The following GABRA6 variants were observed in gnomAD, a reference collection of about 807,000 sequenced individuals.
GABRA6 encodes gamma-aminobutyric acid type A receptor subunit alpha6.
GABRA6 carries 45 observed loss-of-function variants against 47.3 expected under a neutral mutation model. The ratio of observed to expected loss-of-function variants is 0.95; its 90% CI spans 0.75 to 1.22. The LOEUF (loss-of-function observed/expected upper bound fraction) is 1.22, where lower values mean the gene tolerates loss of function less well. Ranked by LOEUF, GABRA6 falls within the 50% of genes most tolerant of loss-of-function variation. GABRA6 has a pLI of 0.00. For synonymous variants in GABRA6, 219 were observed against 194.7 expected (o/e 1.12, Z -1.04); for missense variants, 583 against 549.3 (o/e 1.06, Z -0.61).
In GABRA6 at chr5:161,701,860, A is replaced by G; in HGVS notation, c.*87A>G. ...AAAAATAGCATTGAGACTTGTGTAG[A>G]TGCTTCTCAGAACATGAAATCAAAT... On this transcript the variant is annotated 3_prime_UTR_variant, in exon 9 of 9. Transcript: ENST00000274545. 7.3e-7 allele frequency: 1 copy of G among 1,374,564 alleles called. No individual in the cohort carries two copies. The highest frequency in any genetic ancestry group is 1.0e-6 in the Non-Finnish European group (1 of 969,144). The allele number at this position is 1,374,564 out of a possible 1,614,324, so 85.1% of individuals were successfully genotyped here.
Position 161,689,287 on chromosome 5 carries a change from G to A in GABRA6, c.480G>A (p.Leu160=). ...LTINADCPMR[L]VNFPMDGHAC... ...TCAATGCTGACTGTCCCATGAGGCTGGTTAACTTTCCTATGGATGGGCATG... is the reference window on the plus strand; with the variant it reads ...TCAATGCTGACTGTCCCATGAGGCTAGTTAACTTTCCTATGGATGGGCATG... Residue 160 remains leucine (L), a synonymous_variant, in exon 5 of 9, where the codon CTG becomes CTA. Coordinates refer to ENST00000274545, the MANE Select transcript of GABRA6 (RefSeq NM_000811.3). 1 of 1,614,044 alleles carries A rather than the reference G, an allele frequency of 6.2e-7. No individual in the cohort carries two copies.
In GABRA6 at chr5:161,690,293, ATTCTTTCCCAGG is replaced by A. The variant is rs766889820; in HGVS notation, c.768_779del (p.Ile256_Val260delinsMet). 83 of 1,613,742 alleles carry A rather than the reference ATTCTTTCCCAGG, an allele frequency of 5.1e-5. No individual in the cohort carries two copies. The highest frequency in any genetic ancestry group is 6.8e-5 in the Non-Finnish European group (80 of 1,179,846). On this transcript the variant is annotated inframe_deletion, in exon 7 of 9. Coordinates refer to ENST00000274545, the MANE Select transcript of GABRA6 (RefSeq NM_000811.3). ...ATACACTCCTTGCATTATGACAGTC[ATTCTTTCCCAGG>A]TGTCTTTCTGGATTAATAAGGAGTC...
intron 8 of GABRA6, 111 bp downstream of exon 8, chr5:161,692,311 A>C (rs1754808721): frequency 3.0e-6 from 4 of 1,321,274 alleles, no homozygotes; most frequent in Non-Finnish European, 4.3e-6. Flanking sequence ...CAGGTTATAT[A>C]ACTGTAGTTT....
chr5:161,701,782 C>T lies in GABRA6; in HGVS notation c.*9C>T, dbSNP rs762025665. ...GTAGCAGTGTTGAATAGCTTGCGGC[C>T]AGGACAACCTGAATTCTATAAGTTC... On this transcript the variant is annotated 3_prime_UTR_variant, in exon 9 of 9. Transcript: ENST00000274545. The T allele has an allele frequency of 1.2e-6, 2 of 1,613,718 alleles. No homozygotes were observed. Among genetic ancestry groups the T allele is most frequent in the East Asian group, 4.5e-5 (2 of 44,880 alleles).
chr5:161,685,926 A>G lies in GABRA6; in HGVS notation c.-64A>G. 7.7e-7 allele frequency: 1 copy of G among 1,295,390 alleles called. No homozygotes were observed. Among genetic ancestry groups the G allele is most frequent in the Non-Finnish European group, 1.1e-6 (1 of 887,676 alleles). 80.2% of individuals were successfully genotyped at this position (1,295,390 alleles called of 1,614,324 possible). ...AGATTTCTCCAGTTGATTGGCAGAG[A>G]AGAGCTGGCTAGCAGGGAGGACGAC... is the stretch of plus-strand genomic sequence containing the variant. On this transcript the variant is annotated 5_prime_UTR_variant, in exon 1 of 9. Transcript: ENST00000274545.
At chr5:161,689,487 T>TG in intron 5 of GABRA6, 149 bp from the exon 6 acceptor site, 1 of 1,023,006 alleles carries the variant, frequency 9.8e-7, no homozygotes, top group Non-Finnish European at 1.5e-6. Context: ...GTCAATCTCA[T>TG]AAATTGAGGC....
chr5:161,686,838 C>G, intron 2 of GABRA6, 98 bp from the exon 3 acceptor site: 1 of 1,014,522 alleles, frequency 9.9e-7, no homozygotes, highest in East Asian at 2.4e-5. Flanking sequence ...ATTGCAGATA[C>G]TGGCTATGAT....
intron 7 of GABRA6, among the ~76,000 whole-genome samples, chr5:161,690,977 T>C (rs1361143447): frequency 5.3e-5 from 8 of 152,060 alleles, no homozygotes; most frequent in Non-Finnish European, 1.0e-4. Flanking sequence ...TTTTTTAAAT[T>C]TACTAAGTTA....
At chr5:161,688,135 A>G (rs997399383) in intron 3 of GABRA6, among the ~76,000 whole-genome samples, 1 of 152,132 alleles carries the variant, frequency 6.6e-6, no homozygotes, top group Admixed American at 6.5e-5. Flanking sequence ...CTATTATATC[A>G]TGAGTCATTA....
intron 7 of GABRA6, among the ~76,000 whole-genome samples, chr5:161,691,223 A>G (rs1754781262): frequency 6.6e-6 from 1 of 151,474 alleles, no homozygotes; most frequent in Non-Finnish European, 1.5e-5. Context: ...TTATTTATTA[A>G]CTATCATTTA....
chr5:161,685,997 C>G lies in GABRA6; in HGVS notation c.8C>G (p.Ser3Trp). Reference protein sequence around the residue: MASSLPWLCIILW... With the variant: MAWSLPWLCIILW... Reference sequence around the variant, plus strand: ...ATTTCAGTGCACTGCAGGATGGCGTCGTCTCTGCCCTGGCTGTGCATTATT... The same window carrying G: ...ATTTCAGTGCACTGCAGGATGGCGTGGTCTCTGCCCTGGCTGTGCATTATT... The change falls in exon 1 of 9, where the codon TCG becomes TGG. Residue 3 changes from serine (S) to tryptophan (W), a missense_variant. Ser to Trp is a radical substitution (Grantham distance 177, BLOSUM62 -3). Coordinates refer to ENST00000274545, the MANE Select transcript of GABRA6 (RefSeq NM_000811.3). 1.2e-6 allele frequency: 2 copies of G among 1,613,866 alleles called. No individual in the cohort carries two copies. The highest frequency in any genetic ancestry group is 4.5e-5 in the East Asian group (2 of 44,872).
Position 161,688,948 on chromosome 5 carries a change from G to A in GABRA6, c.226-1G>A, listed in dbSNP as rs1429761769. The A allele has an allele frequency of 6.2e-7, 1 of 1,610,744 alleles. No individual in the cohort carries two copies. Among genetic ancestry groups the A allele is most frequent in the African/African-American group, 1.3e-5 (1 of 74,818 alleles). ...CACACAAATATTTTATTTTCTCTTA[G>A]GAGTATACGATGGATGTTTTTTTCC... On this transcript the variant is annotated splice_acceptor_variant, in intron 3 of 8. Coordinates refer to ENST00000274545, the MANE Select transcript of GABRA6 (RefSeq NM_000811.3). LOFTEE classifies it high-confidence loss of function.
intron 3 of GABRA6, among the ~76,000 whole-genome samples, chr5:161,688,209 G>A (rs58175071): frequency 0.03 from 4,553 of 152,028 alleles, 225 homozygotes; most frequent in African/African-American, 0.097. Flanking sequence ...GCCATAATAC[G>A]TTTCATAAAG....
chr5:161,687,115 A>G (rs1754716483), intron 3 of GABRA6, 112 bp downstream of exon 3: 1 of 850,796 alleles, frequency 1.2e-6, no homozygotes, highest in Non-Finnish European at 2.0e-6. Flanking sequence ...TCATGACACA[A>G]TATTTGTATT....
At chr5:161,688,907 AAC>A in intron 3 of GABRA6, 40 bp from the exon 4 acceptor site, 1 of 1,549,276 alleles carries the variant, frequency 6.5e-7, no homozygotes, top group Non-Finnish European at 8.9e-7. Context: ...ATTCTTAGCA[AAC>A]TATCTTTCCA....
chr5:161,690,487 T>C (rs753323437), intron 7 of GABRA6, 134 bp downstream of exon 7: 184 of 929,014 alleles, frequency 2.0e-4, no homozygotes, highest in Non-Finnish European at 2.9e-4. Flanking sequence ...TCCAGACATA[T>C]GTATCATGCA....
chr5:161,694,460 G>C (rs766468677), intron 8 of GABRA6, among the ~76,000 whole-genome samples: 8 of 151,874 alleles, frequency 5.3e-5, no homozygotes, highest in Non-Finnish European at 1.0e-4. Flanking sequence ...CAAATCCTTG[G>C]AGAAAACGTA....
rs113567255 is a variant in GABRA6, at chr5:161,686,494, C to G, written c.157+146C>G. On this transcript the variant is annotated intron_variant, in intron 2 of 8. Transcript: ENST00000274545. ...CCATGGGTATGTTCCCATCCAGTCT[C>G]TGCCTCATCCACCATTAGTAGCCTT... 78 of 745,040 alleles carry G rather than the reference C, an allele frequency of 1.0e-4. 2 individuals are homozygous for G. Among genetic ancestry groups the G allele is most frequent in the African/African-American group, 8.2e-4 (48 of 58,506 alleles). 46.2% of individuals were successfully genotyped at this position (745,040 alleles called of 1,614,324 possible). A position where few individuals can be genotyped will look rare whatever the true frequency, so the allele number is the denominator to read the frequency against.
intron 8 of GABRA6, among the ~76,000 whole-genome samples, chr5:161,695,846 A>C (rs1051711019): frequency 5.9e-5 from 9 of 151,680 alleles, no homozygotes; most frequent in African/African-American, 1.9e-4. Context: ...TTTATTGACT[A>C]TTTATGCATT....
Sources: allele counts gnomAD v4.1 joint callset (sites outside exome capture counted in the v4.1 genomes callset), GRCh38; gene constraint gnomAD v4.1.1; transcripts MANE v1.5; gene names NCBI Gene and HGNC (gene_info 2026-07-23, HGNC 2026-07-21).